ZBTB38: variants seen among roughly 807,000 people sequenced by gnomAD.
The protein encoded by ZBTB38 is zinc finger and BTB domain containing 38.
ZBTB38 carries 20 observed loss-of-function variants against 76.8 expected under a neutral mutation model. The observed-to-expected ratio is 0.26, with a 90% CI of 0.18 to 0.38. The LOEUF (loss-of-function observed/expected upper bound fraction) is 0.38, where lower values mean the gene tolerates loss of function less well. ZBTB38 is among the 10% of genes least tolerant of loss of function. The pLI, the probability that ZBTB38 is intolerant of heterozygous loss-of-function variation, is 1.00. For missense variants in ZBTB38, 1,082 were observed against 1,482.3 expected, an observed-to-expected ratio of 0.73 and a Z score of 4.43; for synonymous variants, 504 against 544.2, an observed-to-expected ratio of 0.93 and a Z score of 1.03.
intron 2 of ZBTB38, among the ~76,000 whole-genome samples, chr3:141,375,138 A>G (rs548985483): frequency 1.4e-4 from 21 of 152,376 alleles, no homozygotes; most frequent in Admixed American, 9.8e-4. Context: ...CCAGAATTTA[A>G]CTTAAAGTCT....
At chr3:141,399,368 A>C (rs1951166205) in intron 4 of ZBTB38, among the ~76,000 whole-genome samples, 1 of 152,134 alleles carries the variant, frequency 6.6e-6, no homozygotes, top group Non-Finnish European at 1.5e-5. Flanking sequence ...CCTGGCTCCC[A>C]CGGGCATGGG....
At chr3:141,338,759 A>G (rs1013635743) in intron 1 of ZBTB38, among the ~76,000 whole-genome samples, 13 of 152,218 alleles carry the variant, frequency 8.5e-5, no homozygotes, top group East Asian at 5.8e-4. Flanking sequence ...CAATTTGCCT[A>G]TGTAACAAAT....
chr3:141,443,537 G>C lies in ZBTB38; in HGVS notation c.1149G>C (p.Leu383=), dbSNP rs1339078361. ...ATTGCAACAAACAATTCACCACCCT[G>C]AACAGGTTGGATCGGCATGAACAGA... The part of the protein sequence containing the change: ...CKYCNKQFTT[L]NRLDRHEQIC... Residue 383 remains leucine, a synonymous_variant, in exon 6 of 6, where the codon CTG becomes CTC. Transcript: ENST00000321464. The surrounding 1 kb of genome is among the most constrained non-coding windows in gnomAD (Gnocchi z 5.6). 1 of 1,614,160 alleles carries C rather than the reference G, an allele frequency of 6.2e-7. No homozygotes were observed. The highest frequency in any genetic ancestry group is 1.7e-5 in the Admixed American group (1 of 60,024).
chr3:141,445,428 C>G lies in ZBTB38; in HGVS notation c.3040C>G (p.Leu1014Val). The G allele has an allele frequency of 6.2e-7, 1 of 1,614,194 alleles. No individual in the cohort carries two copies. The highest frequency in any genetic ancestry group is 8.5e-7 in the Non-Finnish European group (1 of 1,180,040). ...TACTTCTCGGCCATATGCCTGCGAG[C>G]TCTGCGCCAAGCAGTTCCAGAGCCC... ...HLTSRPYACELCAKQFQSPST... is the reference protein window; with the variant it reads ...HLTSRPYACEVCAKQFQSPST... Residue 1014 changes from leucine (L) to valine (V), a missense_variant, in exon 6 of 6, where the codon CTC (leucine) becomes GTC (valine). Physicochemically the swap from Leu to Val is conservative, Grantham distance 32 (BLOSUM62 1). This residue lies in a region of ZBTB38 where 471 missense variants were observed against 581.0 expected (regional missense o/e 0.81). Transcript: ENST00000321464. This position sits in a 1 kb window ranked among gnomAD's most constrained non-coding sequence, Gnocchi z 6.5.
intron 1 of ZBTB38, among the ~76,000 whole-genome samples, chr3:141,351,724 A>C (rs1429867619): frequency 9.3e-6 from 1 of 107,798 alleles, no homozygotes; most frequent in African/African-American, 7.6e-5. Flanking sequence ...TGTCTCTTAA[A>C]AAAAAAAAAA....
chr3:141,324,716 G>A (rs2148864627), intron 1 of ZBTB38, among the ~76,000 whole-genome samples: 1 of 152,268 alleles, frequency 6.6e-6, no homozygotes, highest in South Asian at 2.1e-4. Context: ...GAGGGCAGAA[G>A]AGAAAGAAAA....
intron 4 of ZBTB38, among the ~76,000 whole-genome samples, chr3:141,402,608 T>C (rs1952562594): frequency 6.6e-6 from 1 of 150,498 alleles, no homozygotes; most frequent in Non-Finnish European, 1.5e-5. Context: ...GGTTGAGCTC[T>C]GCAAACGCAG....
chr3:141,416,745 G>A (rs1477951158), intron 5 of ZBTB38, among the ~76,000 whole-genome samples: 1 of 152,210 alleles, frequency 6.6e-6, no homozygotes, highest in Non-Finnish European at 1.5e-5. Flanking sequence ...GAGACACACA[G>A]TAGAGACACT....
intron 4 of ZBTB38, among the ~76,000 whole-genome samples, chr3:141,390,467 G>T (rs957871426): frequency 6.6e-6 from 1 of 152,132 alleles, no homozygotes; most frequent in Non-Finnish European, 1.5e-5. Flanking sequence ...TACCAAGATT[G>T]CATCTCTTGC....
At chr3:141,432,049 G>A (rs1479198092) in intron 5 of ZBTB38, 1 of 982,094 alleles carries the variant, frequency 1.0e-6, no homozygotes, top group East Asian at 1.1e-4. Flanking sequence ...GTCTGACGTA[G>A]TCACCCAACA....
At position 141,446,101 on chromosome 3, in the gene ZBTB38, ATTTGT is replaced by A; in HGVS notation, c.*126_*130del. 1 of 882,132 alleles carries A rather than the reference ATTTGT, an allele frequency of 1.1e-6. No homozygotes were observed. The highest frequency in any genetic ancestry group is 1.6e-6 in the Non-Finnish European group (1 of 633,274). 54.6% of individuals were successfully genotyped at this position (882,132 alleles called of 1,614,324 possible). Reference sequence around the variant, plus strand: ...GTGAAATTAAAAAAAAAAAAAACTCATTTGTGAAAATTCCAGAAAAAGGATCCTAA... The same window carrying A: ...GTGAAATTAAAAAAAAAAAAAACTCAGAAAATTCCAGAAAAAGGATCCTAA... On this transcript the variant is annotated 3_prime_UTR_variant, in exon 6 of 6. Transcript: ENST00000321464.
chr3:141,431,124 A>G (rs1013653040), intron 5 of ZBTB38, among the ~76,000 whole-genome samples: 2 of 151,780 alleles, frequency 1.3e-5, no homozygotes, highest in African/African-American at 4.9e-5. Context: ...GGAGCTTGAG[A>G]CCAGCCTGAC....
intron 4 of ZBTB38, among the ~76,000 whole-genome samples, chr3:141,390,387 T>C (rs1305893857): frequency 1.3e-5 from 2 of 152,194 alleles, no homozygotes; most frequent in African/African-American, 2.4e-5. Context: ...CAAAACAAAA[T>C]GGGCAAATAT....
chr3:141,441,032 C>CAAAAAAA (rs202075469), intron 5 of ZBTB38, among the ~76,000 whole-genome samples: 2 of 64,612 alleles, frequency 3.1e-5, no homozygotes, highest in African/African-American at 1.0e-4. Context: ...GACTCAATCT[C>CAAAAAAA]AAAAAAAAAA....
At chr3:141,363,749 A>G (rs564075574), upstream of ZBTB38, among the ~76,000 whole-genome samples, 1 of 152,312 alleles carries the variant, frequency 6.6e-6, no homozygotes. Context: ...TTTTCAACAA[A>G]TAGTTATGGG....
chr3:141,412,319 T>G (rs985204980), intron 5 of ZBTB38, among the ~76,000 whole-genome samples: 5 of 152,312 alleles, frequency 3.3e-5, no homozygotes, highest in African/African-American at 1.2e-4. Flanking sequence ...TTGGGTGCCC[T>G]GTTTGTTGTG....
At position 141,340,495 on chromosome 3, in the gene ZBTB38, G is replaced by T. The variant is rs563155425; in HGVS notation, c.-739+16039G>T. Among the ~76,000 whole-genome samples the T allele has an allele frequency of 4.8e-4, 73 of 152,292 alleles. No homozygotes were observed. In the South Asian group the frequency reaches 0.015, roughly 32 times the overall value. On this transcript the variant is annotated intron_variant, in intron 1 of 7. Transcript: ENST00000509842. ...TTTGCAAATCACATTTCTGAAAAGAGACTTGTATTTAGAATATATAAAAAC... is the reference window on the plus strand; with the variant it reads ...TTTGCAAATCACATTTCTGAAAAGATACTTGTATTTAGAATATATAAAAAC...
chr3:141,374,462 C>T (rs568462282), intron 2 of ZBTB38, among the ~76,000 whole-genome samples: 6 of 152,302 alleles, frequency 3.9e-5, no homozygotes, highest in African/African-American at 1.2e-4. Flanking sequence ...TTGGAAACTC[C>T]TCCACGGAGG....
chr3:141,334,933 T>G (rs1399894191), intron 1 of ZBTB38, among the ~76,000 whole-genome samples: 1 of 152,210 alleles, frequency 6.6e-6, no homozygotes, highest in Admixed American at 6.5e-5. Context: ...ATGGACTAGA[T>G]CTCTGGTCCT....
Sources: gnomAD v4.1 joint callset for allele counts (sites outside exome capture counted in the v4.1 genomes callset) on GRCh38, gnomAD v4.1.1 for gene constraint, gnomAD v4.1.1 regional missense constraint, Gnocchi (gnomAD v3.1) non-coding constraint, MANE v1.5 for transcripts, NCBI Gene and HGNC (gene_info 2026-07-23, HGNC 2026-07-21) for gene names.